Variants in FRMD6 observed in about 807,000 individuals in gnomAD.
FRMD6 encodes FERM domain-containing protein 6.
A neutral mutation model predicts 73.2 loss-of-function variants in FRMD6; 37 were observed. The observed-to-expected ratio is 0.51, with a 90% confidence interval of 0.39 to 0.66. FRMD6 has a LOEUF of 0.66. Ranked by LOEUF, FRMD6 falls within the 30% of genes least tolerant of loss-of-function variation. FRMD6 has a pLI of 0.00. For missense variants in FRMD6, 714 were observed against 780.5 expected (o/e 0.91, Z 1.02); for synonymous variants, 273 against 282.2 (o/e 0.97, Z 0.33).
chr14:51,495,704 C>CCAG (rs1371121266), intron 1 of FRMD6, among the ~76,000 whole-genome samples: 1 of 152,130 alleles, frequency 6.6e-6, no homozygotes, highest in Non-Finnish European at 1.5e-5. Flanking sequence ...AGCAATTCCT[C>CCAG]CAGTGAGGGT....
the FRMD6 span, among the ~76,000 whole-genome samples, chr14:51,435,092 A>G: frequency 6.6e-6 from 1 of 152,342 alleles, no homozygotes; most frequent in South Asian, 2.1e-4. Flanking sequence ...TAAAAAAGAC[A>G]TTAGTGGGAA....
intron 2 of FRMD6, among the ~76,000 whole-genome samples, chr14:51,601,162 A>G (rs1890018848): frequency 6.6e-6 from 1 of 152,144 alleles, no homozygotes; most frequent in Admixed American, 6.5e-5. Flanking sequence ...TGCTTTGGGT[A>G]GAGCTGAGCT....
chr14:51,605,871 G>C (rs116294222), intron 2 of FRMD6, among the ~76,000 whole-genome samples: 1 of 152,140 alleles, frequency 6.6e-6, no homozygotes, highest in Non-Finnish European at 1.5e-5. Flanking sequence ...CTGTACCCCC[G>C]AGTCTCAGAA....
intron 2 of FRMD6, among the ~76,000 whole-genome samples, chr14:51,694,403 A>C (rs1247006305): frequency 2.6e-5 from 4 of 152,186 alleles, no homozygotes; most frequent in Middle Eastern, 3.2e-3. Flanking sequence ...AAAAGTCCAT[A>C]TAGAGGCTGG....
intron 1 of FRMD6, among the ~76,000 whole-genome samples, chr14:51,490,180 T>C (rs2140162716): frequency 6.6e-6 from 1 of 152,296 alleles, no homozygotes; most frequent in East Asian, 1.9e-4. Context: ...AAAGGGAATA[T>C]GGAGAAGAAC....
intron 1 of FRMD6, among the ~76,000 whole-genome samples, chr14:51,659,415 G>A (rs762478999): frequency 6.6e-6 from 1 of 152,220 alleles, no homozygotes; most frequent in Non-Finnish European, 1.5e-5. Flanking sequence ...TCATTTATAA[G>A]CATTTCATGA....
Position 51,615,923 on chromosome 14 carries a change from G to T in FRMD6, c.-147+45513G>T, listed in dbSNP as rs116714911. ...TGTGGAACTAGAGATACAGGTAGAG[G>T]TGATGAGTTCCAAAGATACCTTTCT... On this transcript the variant is annotated intron_variant, in intron 2 of 14. Transcript: ENST00000356218. Among the ~76,000 whole-genome samples, 440 of 152,308 alleles carry T rather than the reference G, an allele frequency of 2.9e-3. 2 individuals are homozygous for T. Among genetic ancestry groups the T allele is most frequent in the African/African-American group, 9.9e-3 (412 of 41,572 alleles).
chr14:51,491,836 C>T (rs947156428), intron 1 of FRMD6, among the ~76,000 whole-genome samples: 1 of 152,094 alleles, frequency 6.6e-6, no homozygotes, highest in Admixed American at 6.5e-5. Flanking sequence ...AGGCAGAATC[C>T]CTTCTGGCCC....
At chr14:51,611,215 T>C (rs540599787) in intron 2 of FRMD6, among the ~76,000 whole-genome samples, 5 of 152,146 alleles carry the variant, frequency 3.3e-5, no homozygotes, top group Non-Finnish European at 7.4e-5. Flanking sequence ...ATGGGAAATA[T>C]AAGGAAATTT....
At chr14:51,400,569 G>T in the FRMD6 span, among the ~76,000 whole-genome samples, 2 of 151,940 alleles carry the variant, frequency 1.3e-5, no homozygotes, top group South Asian at 2.1e-4. Flanking sequence ...TCTGTTTTTT[G>T]GAGAAATAAA....
chr14:51,574,063 G>A (rs1596633912), intron 2 of FRMD6, among the ~76,000 whole-genome samples: 1 of 152,106 alleles, frequency 6.6e-6, no homozygotes, highest in Admixed American at 6.5e-5. Flanking sequence ...CTAGCCACAG[G>A]GTGACTTCAT....
At chr14:51,595,272 G>T (rs1264686228) in intron 2 of FRMD6, among the ~76,000 whole-genome samples, 1 of 152,188 alleles carries the variant, frequency 6.6e-6, no homozygotes, top group Non-Finnish European at 1.5e-5. Flanking sequence ...AGGCATTATT[G>T]ACAGAAGATC....
chr14:51,475,204 C>CCTCAT, the FRMD6 span, among the ~76,000 whole-genome samples: 1 of 152,190 alleles, frequency 6.6e-6, no homozygotes, highest in Non-Finnish European at 1.5e-5. Context: ...TTCATTATTT[C>CCTCAT]CTCATCCAGG....
chr14:51,523,228 G>A (rs2140302062), intron 1 of FRMD6, among the ~76,000 whole-genome samples: 1 of 152,260 alleles, frequency 6.6e-6, no homozygotes, highest in Middle Eastern at 3.4e-3. Context: ...GAAAAATAAT[G>A]TTTTTCTTTA....
intron 1 of FRMD6, among the ~76,000 whole-genome samples, chr14:51,496,281 A>C (rs1042297639): frequency 2.6e-5 from 4 of 152,364 alleles, no homozygotes; most frequent in Admixed American, 6.5e-5. Flanking sequence ...AATAGACTGT[A>C]TCAGTTATCT....
the FRMD6 span, among the ~76,000 whole-genome samples, chr14:51,459,350 C>T: frequency 6.6e-6 from 1 of 152,166 alleles, no homozygotes; most frequent in African/African-American, 2.4e-5. Context: ...TGACTAGGCC[C>T]TCCCTCACTA....
rs1477703044 is a variant in FRMD6, at chr14:51,704,894, T to C, written c.517T>C (p.Tyr173His). Residue 173 changes from tyrosine to histidine, a missense_variant, in exon 6 of 14, where the codon TAT becomes CAT. Coordinates refer to ENST00000344768, the MANE Select transcript of FRMD6 (RefSeq NM_001267046.2). ...DLGNFKRNKH[Y>H]GKYFEPEAYF... The stretch of plus-strand genomic sequence containing the variant: ...TGGGAACTTCAAAAGGAATAAGCAC[T>C]ATGGAAAATACTTCGAGCCAGAGGC... 1 of 1,612,460 alleles carries C rather than the reference T, an allele frequency of 6.2e-7. No individual in the cohort carries two copies. The highest frequency in any genetic ancestry group is 2.2e-5 in the East Asian group (1 of 44,826).
In FRMD6 at chr14:51,651,983, A is replaced by C. The variant is rs1300370127; in HGVS notation, c.-160A>C. On this transcript the variant is annotated 5_prime_UTR_variant, in exon 1 of 14. Transcript: ENST00000344768. The stretch of plus-strand genomic sequence containing the variant: ...CAGAGAGCCCAACGCCTGGTGCTCA[A>C]GACTTTCTCCGAGGTATGAACAAGA... The C allele has an allele frequency of 6.6e-6, 1 of 152,094 alleles. No individual in the cohort carries two copies. Among genetic ancestry groups the C allele is most frequent in the Non-Finnish European group, 1.5e-5 (1 of 68,050 alleles). The allele number at this position is 152,094 out of a possible 1,614,324, so 9.4% of individuals were successfully genotyped here.
chr14:51,469,343 A>G, the FRMD6 span, among the ~76,000 whole-genome samples: 5 of 149,998 alleles, frequency 3.3e-5, no homozygotes, highest in Non-Finnish European at 5.9e-5. Flanking sequence ...GCTGGGCCCT[A>G]TGGCTCACGC....
Sources: gnomAD v4.1 joint callset for allele counts (sites outside exome capture counted in the v4.1 genomes callset) on GRCh38, gnomAD v4.1.1 for gene constraint, MANE v1.5 for transcripts, NCBI Gene and HGNC (gene_info 2026-07-23, HGNC 2026-07-21) for gene names.